SGCZ: variants seen among roughly 807,000 people sequenced by gnomAD.
The protein encoded by SGCZ is sarcoglycan zeta, also known as zeta-sarcoglycan.
SGCZ carries 40 observed loss-of-function variants against 41.3 expected under a neutral mutation model. That is an observed-to-expected ratio of 0.97 (90% CI 0.75 to 1.26). The LOEUF is 1.26. Ranked by LOEUF, SGCZ falls within the 50% of genes most tolerant of loss-of-function variation. SGCZ has a pLI of 0.00. For missense variants in SGCZ, 552 were observed against 369.8 expected (o/e 1.49, Z -4.04); for synonymous variants, 206 against 137.5 (o/e 1.50, Z -3.49).
At chr8:14,311,604 C>T (rs1200695898) in intron 3 of SGCZ, among the ~76,000 whole-genome samples, 2 of 152,060 alleles carry the variant, frequency 1.3e-5, no homozygotes, top group Admixed American at 6.6e-5. Context: ...TCTAATTTAC[C>T]CTTGTTTATA....
chr8:14,491,870 C>CA (rs1563364625), intron 2 of SGCZ, among the ~76,000 whole-genome samples: 1 of 151,966 alleles, frequency 6.6e-6, no homozygotes. Flanking sequence ...AATGAGTTCT[C>CA]AAAAATATGT....
At chr8:15,084,117 T>C (rs1375612391) in intron 1 of SGCZ, among the ~76,000 whole-genome samples, 1 of 152,196 alleles carries the variant, frequency 6.6e-6, no homozygotes, top group African/African-American at 2.4e-5. Flanking sequence ...GTGGTAAATC[T>C]CCAAACAAGT....
chr8:14,197,347 A>T (rs2117060980), intron 4 of SGCZ, among the ~76,000 whole-genome samples: 1 of 152,272 alleles, frequency 6.6e-6, no homozygotes, highest in South Asian at 2.1e-4. Context: ...AAGAAGGTAG[A>T]ACAATATCCT....
chr8:14,729,201 T>G (rs2130228896), intron 1 of SGCZ, among the ~76,000 whole-genome samples: 1 of 152,284 alleles, frequency 6.6e-6, no homozygotes, highest in Admixed American at 6.5e-5. Flanking sequence ...TTATTTCTAA[T>G]TTGATTTCCC....
chr8:14,860,731 AAAG>A, intron 1 of SGCZ, among the ~76,000 whole-genome samples: 1 of 150,582 alleles, frequency 6.6e-6, no homozygotes, highest in Non-Finnish European at 1.5e-5. Context: ...AGAAAGAAAG[AAAG>A]AAAGTAAGTA....
chr8:15,103,426 A>AAATT (rs1806692869), intron 1 of SGCZ, among the ~76,000 whole-genome samples: 1 of 151,408 alleles, frequency 6.6e-6, no homozygotes, highest in African/African-American at 2.4e-5. Flanking sequence ...ATAAATAAAT[A>AAATT]AATAAAAGTA....
chr8:14,527,558 A>G (rs1301734055), intron 2 of SGCZ, among the ~76,000 whole-genome samples: 1 of 134,324 alleles, frequency 7.4e-6, no homozygotes, highest in Non-Finnish European at 1.6e-5. Flanking sequence ...TTAAAAAAAC[A>G]TCAATAGCCC....
chr8:14,094,299 C>A (rs145917947), intron 7 of SGCZ, among the ~76,000 whole-genome samples: 208 of 152,074 alleles, frequency 1.4e-3, no homozygotes, highest in African/African-American at 4.4e-3. Context: ...CTAGCCCCCC[C>A]ATGCCAGAGA....
intron 1 of SGCZ, among the ~76,000 whole-genome samples, chr8:14,627,597 C>T (rs1806504309): frequency 6.6e-6 from 1 of 152,030 alleles, no homozygotes; most frequent in Non-Finnish European, 1.5e-5. Flanking sequence ...TAATTTTTAG[C>T]AATATATGGT....
At chr8:15,074,479 T>A (rs1380241877) in intron 1 of SGCZ, among the ~76,000 whole-genome samples, 1 of 152,182 alleles carries the variant, frequency 6.6e-6, no homozygotes, top group African/African-American at 2.4e-5. Context: ...CTCCTTAGTC[T>A]TTTAAAGTAA....
At chr8:14,797,291 T>C (rs1192322505) in intron 1 of SGCZ, among the ~76,000 whole-genome samples, 1 of 152,112 alleles carries the variant, frequency 6.6e-6, no homozygotes, top group Non-Finnish European at 1.5e-5. Context: ...TTGAATGACT[T>C]GGACCAAAAT....
chr8:14,852,931 C>A (rs537291265), intron 1 of SGCZ, among the ~76,000 whole-genome samples: 2 of 152,104 alleles, frequency 1.3e-5, no homozygotes, highest in Non-Finnish European at 2.9e-5. Context: ...TTCTATGGGG[C>A]TTTTCCTTTA....
intron 2 of SGCZ, among the ~76,000 whole-genome samples, chr8:14,443,473 A>C (rs1240622281): frequency 6.6e-6 from 1 of 152,136 alleles, no homozygotes; most frequent in Non-Finnish European, 1.5e-5. Context: ...ATATAGATCA[A>C]TGGAACAGAA....
At chr8:14,175,152 A>C (rs1804505305) in intron 4 of SGCZ, among the ~76,000 whole-genome samples, 1 of 152,152 alleles carries the variant, frequency 6.6e-6, no homozygotes, top group Non-Finnish European at 1.5e-5. Flanking sequence ...TAGAAGAAAA[A>C]AATTTTTAAA....
At chr8:14,678,287 A>C (rs1474181912) in intron 1 of SGCZ, among the ~76,000 whole-genome samples, 3 of 152,226 alleles carry the variant, frequency 2.0e-5, no homozygotes, top group Non-Finnish European at 4.4e-5. Context: ...ATATTGTAGA[A>C]AACATATTTG....
rs904524061 is a variant in SGCZ, at chr8:14,202,159, G to T, written c.424+35433C>A. Among the ~76,000 whole-genome samples the T allele has an allele frequency of 2.6e-5, 4 of 152,176 alleles. No individual in the cohort carries two copies. The South Asian group carries it at 8.3e-4, about 31-fold the overall frequency. On this transcript the variant is annotated intron_variant, in intron 4 of 7. Coordinates refer to ENST00000382080, the MANE Select transcript of SGCZ (RefSeq NM_139167.4). The stretch of plus-strand genomic sequence containing the variant: ...AGAGTCCTTAGGATTTGAAGAGGGA[G>T]GCTAAAGAAGAGTCAGTGTTAGAGT...
chr8:14,160,399 C>G (rs1002895772), intron 5 of SGCZ, among the ~76,000 whole-genome samples: 7 of 152,012 alleles, frequency 4.6e-5, no homozygotes, highest in Admixed American at 4.6e-4. Context: ...AAGGTTTATT[C>G]CTTTTTTTGT....
intron 2 of SGCZ, among the ~76,000 whole-genome samples, chr8:14,503,162 C>T (rs1257265114): frequency 6.6e-6 from 1 of 152,018 alleles, no homozygotes; most frequent in African/African-American, 2.4e-5. Context: ...ATGGATGAAG[C>T]AGAAACCATC....
intron 1 of SGCZ, among the ~76,000 whole-genome samples, chr8:14,725,724 G>A (rs552497305): frequency 6.6e-6 from 1 of 152,110 alleles, no homozygotes; most frequent in African/African-American, 2.4e-5. Flanking sequence ...AATAGAGAAG[G>A]AGTGTTTTCT....
Sources: allele counts gnomAD v4.1 joint callset (sites outside exome capture counted in the v4.1 genomes callset), GRCh38; gene constraint gnomAD v4.1.1; transcripts MANE v1.5; gene names NCBI Gene and HGNC (gene_info 2026-07-23, HGNC 2026-07-21).